The following USP24 variants were observed in gnomAD, a reference collection of about 807,000 sequenced individuals.
USP24 encodes ubiquitin specific peptidase 24.
USP24 carries 97 observed loss-of-function variants against 361.6 expected under a neutral mutation model. The ratio of observed to expected loss-of-function variants is 0.27; its 90% CI spans 0.23 to 0.32. USP24 has a LOEUF of 0.32. Ranked by LOEUF, USP24 falls within the 10% of genes least tolerant of loss-of-function variation. USP24 has a pLI of 1.00. For missense variants in USP24, 2,353 were observed against 3,165.6 expected (o/e 0.74, Z 6.16); for synonymous variants, 1,098 against 1,124.6 (o/e 0.98, Z 0.47).
intron 1 of USP24, among the ~76,000 whole-genome samples, chr1:55,188,155 G>T (rs56833376): frequency 0.054 from 8,291 of 152,166 alleles, 279 homozygotes; most frequent in African/African-American, 0.095. Flanking sequence ...AGACAAAAAA[G>T]TAATCCAATG....
intron 67 of USP24, chr1:55,071,299 C>T (rs896931531): frequency 1.0e-6 from 1 of 990,766 alleles, no homozygotes; most frequent in South Asian, 4.6e-5. Context: ...GTGTTCAATA[C>T]ATATTTATTT....
Position 55,137,834 on chromosome 1 carries a change from T to C in USP24, c.2999A>G (p.Asn1000Ser), listed in dbSNP as rs912918043. The change falls in exon 27 of 68, where the codon AAT becomes AGT. Residue 1000 changes from asparagine (N) to serine (S), a missense_variant. Physicochemically the swap from Asn to Ser is conservative, Grantham distance 46 (BLOSUM62 1). Coordinates refer to ENST00000294383, the MANE Select transcript of USP24 (RefSeq NM_015306.3). Reference protein sequence around the residue: ...IAKQLCSPVDNIQIFTNDSLL... With the variant: ...IAKQLCSPVDSIQIFTNDSLL... ...GCTATCATTTGTAAATATCTGTATA[T>C]TATCCACAGGAGAGCACAACTGCTT... 7 of 1,595,116 alleles carry C rather than the reference T, an allele frequency of 4.4e-6. No homozygotes were observed. The highest frequency in any genetic ancestry group is 3.4e-5 in the Admixed American group (2 of 58,100).
chr1:55,110,335 G>A, intron 38 of USP24, 89 bp from the exon 39 acceptor site: 2 of 1,093,028 alleles, frequency 1.8e-6, no homozygotes, highest in South Asian at 3.9e-5. Flanking sequence ...CATAAAACAA[G>A]TGAGCAAGAT....
Position 55,142,721 on chromosome 1 carries a change from TA to T in USP24, c.2634+20del. Reference sequence around the variant, plus strand: ...AAAAGCATTTACCTCAAAGAGATGTTAAATAAAATTTGCTACTCACTTCTAA... The same window carrying T: ...AAAAGCATTTACCTCAAAGAGATGTTAATAAAATTTGCTACTCACTTCTAA... On this transcript the variant is annotated intron_variant, in intron 23 of 67. Coordinates refer to ENST00000294383, the MANE Select transcript of USP24 (RefSeq NM_015306.3). 1 of 1,449,268 alleles carries T rather than the reference TA, an allele frequency of 6.9e-7. No homozygotes were observed. Among genetic ancestry groups the T allele is most frequent in the Non-Finnish European group, 9.3e-7 (1 of 1,076,292 alleles). 89.8% of individuals were successfully genotyped at this position (1,449,268 alleles called of 1,614,324 possible).
At chr1:55,209,879 C>A (rs561368578) in intron 1 of USP24, among the ~76,000 whole-genome samples, 51 of 152,108 alleles carry the variant, frequency 3.4e-4, no homozygotes, top group African/African-American at 1.2e-3. Context: ...AAACGCCCTC[C>A]TTCACACTCA....
chr1:55,141,883 A>C (rs1401190195), intron 23 of USP24, among the ~76,000 whole-genome samples, 152 bp from the exon 24 acceptor site: 1 of 152,168 alleles, frequency 6.6e-6, no homozygotes, highest in African/African-American at 2.4e-5. Flanking sequence ...CTACTTAGGG[A>C]CCAGTAGGAT....
intron 5 of USP24, among the ~76,000 whole-genome samples, chr1:55,170,626 T>C (rs933814843): frequency 6.6e-6 from 1 of 152,178 alleles, no homozygotes; most frequent in Admixed American, 6.5e-5. Flanking sequence ...CAAAGAGCCA[T>C]TGTGGGGATT....
At chr1:55,086,864 G>C (rs1045645136) in intron 55 of USP24, among the ~76,000 whole-genome samples, 1 of 152,184 alleles carries the variant, frequency 6.6e-6, no homozygotes, top group African/African-American at 2.4e-5. Context: ...TGGGGCCTGG[G>C]TACAGGAGAG....
In USP24 at chr1:55,125,474, G is replaced by A. The variant is rs1646401356; in HGVS notation, c.3806C>T (p.Ser1269Phe). 1.9e-6 allele frequency: 3 copies of A among 1,614,024 alleles called. No homozygotes were observed. Among genetic ancestry groups the A allele is most frequent in the South Asian group, 2.2e-5 (2 of 91,084 alleles). Residue 1269 changes from serine to phenylalanine, a missense_variant, in exon 34 of 68, where the codon TCT (serine) becomes TTT (phenylalanine). This residue lies in a region of USP24 where 949 missense variants were observed against 1,280.5 expected (regional missense o/e 0.74). Transcript: ENST00000294383. ...DLTKDGIEAL[S>F]SRPFRNVSRQ... Reference sequence around the variant, plus strand: ...GCTGACATTTCGGAATGGGCGGGAAGAAAGTGCTTCTATACCATCTTTGGT... The same window carrying A: ...GCTGACATTTCGGAATGGGCGGGAAAAAAGTGCTTCTATACCATCTTTGGT...
At chr1:55,137,380 TA>T in intron 28 of USP24, 134 bp downstream of exon 28, 1 of 1,157,928 alleles carries the variant, frequency 8.6e-7, no homozygotes, top group Non-Finnish European at 1.2e-6. Flanking sequence ...GAGATTTTTT[TA>T]AGATGGAAGA....
chr1:55,180,885 C>T (rs1158050826), intron 1 of USP24, among the ~76,000 whole-genome samples: 1 of 152,132 alleles, frequency 6.6e-6, no homozygotes, highest in Non-Finnish European at 1.5e-5. Context: ...AAGCTGGCAC[C>T]TAGCATAAAG....
chr1:55,211,774 T>A (rs530743525), intron 1 of USP24, among the ~76,000 whole-genome samples: 19 of 152,280 alleles, frequency 1.2e-4, no homozygotes, highest in African/African-American at 3.9e-4. Flanking sequence ...ACTACAAATA[T>A]AAAAAAACTT....
intron 10 of USP24, among the ~76,000 whole-genome samples, chr1:55,157,715 T>A (rs1647825091): frequency 6.6e-6 from 1 of 151,546 alleles, no homozygotes; most frequent in South Asian, 2.1e-4. Flanking sequence ...GCGCCTGTAA[T>A]CCCAGTTACT....
At chr1:55,088,842 G>T (rs1350889458) in intron 55 of USP24, among the ~76,000 whole-genome samples, 3 of 152,104 alleles carry the variant, frequency 2.0e-5, no homozygotes, top group African/African-American at 7.2e-5. Context: ...CTGAATTTCT[G>T]CCAGAAAAGC....
chr1:55,121,659 C>T lies in USP24; in HGVS notation c.4277-153G>A, dbSNP rs528637949. ...CTTTTACAATTGCTTTCATGCCTGT[C>T]CATTTACCCCATAAAATTCTAAGTT... On this transcript the variant is annotated intron_variant, in intron 36 of 67. Transcript: ENST00000294383. Among the ~76,000 whole-genome samples, 37 of 152,318 alleles carry T rather than the reference C, an allele frequency of 2.4e-4. 1 individual carries two copies. The highest frequency in any genetic ancestry group is 2.6e-4 in the Admixed American group (4 of 15,304).
chr1:55,100,818 A>C, intron 44 of USP24, 21 bp downstream of exon 44: 2 of 1,584,216 alleles, frequency 1.3e-6, no homozygotes, highest in African/African-American at 2.7e-5. Flanking sequence ...TTTAAATCTC[A>C]AGAGTTACTG....
chr1:55,134,179 T>C lies in USP24; in HGVS notation c.3288-16A>G, dbSNP rs759687328. The C allele has an allele frequency of 1.3e-5, 21 of 1,610,784 alleles. No individual in the cohort carries two copies. The highest frequency in any genetic ancestry group is 4.4e-5 in the South Asian group (4 of 90,506). ...TAGAGTTATCCTGAAGTTTTTCAAATACAAATTTTTTCATATAAGCCATAG... is the reference window on the plus strand; with the variant it reads ...TAGAGTTATCCTGAAGTTTTTCAAACACAAATTTTTTCATATAAGCCATAG... On this transcript the variant is annotated splice_polypyrimidine_tract_variant and intron_variant, in intron 29 of 67. Transcript: ENST00000294383.
At chr1:55,187,804 C>T (rs1644174512) in intron 1 of USP24, among the ~76,000 whole-genome samples, 2 of 152,092 alleles carry the variant, frequency 1.3e-5, no homozygotes, top group African/African-American at 2.4e-5. Context: ...AAAAGACATC[C>T]TATGTTCATA....
intron 1 of USP24, among the ~76,000 whole-genome samples, chr1:55,189,956 G>A (rs1569696878): frequency 6.6e-6 from 1 of 151,922 alleles, no homozygotes; most frequent in South Asian, 2.1e-4. Context: ...CTTGAGGTCA[G>A]GAGTTTGAGA....
Sources: gnomAD v4.1 joint callset for allele counts (sites outside exome capture counted in the v4.1 genomes callset) on GRCh38, gnomAD v4.1.1 for gene constraint, gnomAD v4.1.1 regional missense constraint, MANE v1.5 for transcripts, NCBI Gene and HGNC (gene_info 2026-07-23, HGNC 2026-07-21) for gene names.